FAXC: variants seen among roughly 807,000 people sequenced by gnomAD.
FAXC encodes the protein failed axon connections homolog.
Under a neutral mutation model 41.9 loss-of-function variants are expected in FAXC, and 10 were observed. The observed-to-expected ratio is 0.24, with a 90% CI of 0.15 to 0.41. The LOEUF (loss-of-function observed/expected upper bound fraction) is 0.41, where lower values mean the gene tolerates loss of function less well. Ranked by LOEUF, FAXC falls within the 10% of genes least tolerant of loss-of-function variation. FAXC has a pLI of 1.00. For synonymous variants in FAXC, 183 were observed against 183.8 expected (o/e 1.00, Z 0.03); for missense variants, 399 against 510.9 (o/e 0.78, Z 2.11).
At chr6:99,288,859 T>TACACAC (rs55895848) in intron 5 of FAXC, among the ~76,000 whole-genome samples, 24,121 of 145,736 alleles carry the variant, frequency 0.17, 2,218 homozygotes, top group East Asian at 0.43. Flanking sequence ...CACACACACA[T>TACACAC]ACACACACAC....
rs911733292 is a variant in FAXC, at chr6:99,273,078, A to G, written c.*8086T>C. ...TTTAAATATGGCTTTATAAACTACT[A>G]ATAACTCTGCTAAAGTAACTCATAG... On this transcript the variant is annotated 3_prime_UTR_variant, in exon 6 of 6. Transcript: ENST00000389677. 14 of 152,220 alleles carry G rather than the reference A, an allele frequency of 9.2e-5. No homozygotes were observed. Among genetic ancestry groups the G allele is most frequent in the African/African-American group, 2.9e-4 (12 of 41,462 alleles). 9.4% of individuals were successfully genotyped at this position (152,220 alleles called of 1,614,324 possible).
rs1479107715 is a variant in FAXC, at chr6:99,273,473, C to T, written c.*7691G>A. Reference sequence around the variant, plus strand: ...CTGGGTATCACCTCACCCCTACTTTCTTTTCTTGTTTTGCTTACCTCAGTG... The same window carrying T: ...CTGGGTATCACCTCACCCCTACTTTTTTTTCTTGTTTTGCTTACCTCAGTG... On this transcript the variant is annotated 3_prime_UTR_variant, in exon 6 of 6. Coordinates refer to ENST00000389677, the MANE Select transcript of FAXC (RefSeq NM_032511.4). The T allele has an allele frequency of 6.7e-6, 1 of 150,288 alleles. No individual in the cohort carries two copies. The highest frequency in any genetic ancestry group is 6.7e-5 in the Admixed American group (1 of 14,914). The allele number at this position is 150,288 out of a possible 1,614,324, so 9.3% of individuals were successfully genotyped here.
At chr6:99,318,642 T>G (rs996530373) in intron 4 of FAXC, among the ~76,000 whole-genome samples, 4 of 152,200 alleles carry the variant, frequency 2.6e-5, no homozygotes, top group African/African-American at 9.6e-5. Flanking sequence ...TGACAGTGAT[T>G]ATGAGAATAA....
chr6:99,342,535 G>C (rs898621401), intron 2 of FAXC, among the ~76,000 whole-genome samples: 1 of 152,204 alleles, frequency 6.6e-6, no homozygotes, highest in Non-Finnish European at 1.5e-5. Context: ...GTAGAGACAG[G>C]GTTTCACCAT....
intron 4 of FAXC, among the ~76,000 whole-genome samples, chr6:99,296,382 AC>A (rs1207856193): frequency 1.8e-4 from 27 of 152,168 alleles, no homozygotes; most frequent in African/African-American, 6.5e-4. Context: ...TGGCAGGTGA[AC>A]CATCCGGTGA....
At chr6:99,333,665 A>G in intron 2 of FAXC, 118 bp from the exon 3 acceptor site, 1 of 872,080 alleles carries the variant, frequency 1.1e-6, no homozygotes, top group South Asian at 1.9e-5. Flanking sequence ...TACTCAAGTG[A>G]ATGAACTCAG....
At chr6:99,303,811 T>A (rs576553922) in intron 4 of FAXC, among the ~76,000 whole-genome samples, 6 of 152,324 alleles carry the variant, frequency 3.9e-5, no homozygotes, top group African/African-American at 1.4e-4. Flanking sequence ...GTGCCATGGT[T>A]GTAAGGCAAG....
chr6:99,314,446 C>G (rs937646814), intron 4 of FAXC, among the ~76,000 whole-genome samples: 2 of 152,100 alleles, frequency 1.3e-5, no homozygotes, highest in African/African-American at 4.8e-5. Flanking sequence ...TGGTAGCACA[C>G]GCCTGTGGTC....
Position 99,349,090 on chromosome 6 carries a change from C to A in FAXC, c.266+17G>T. On this transcript the variant is annotated intron_variant, in intron 1 of 5. Transcript: ENST00000389677. ...CCCCTCTCTGCGCCCCTGTGCGGGG[C>A]CCTCTCTCCGGCTCACCTAATGACC... 6.2e-7 allele frequency: 1 copy of A among 1,611,904 alleles called. No homozygotes were observed.
intron 5 of FAXC, among the ~76,000 whole-genome samples, chr6:99,282,364 C>T (rs545276198): frequency 1.3e-5 from 2 of 152,180 alleles, no homozygotes; most frequent in South Asian, 2.1e-4. Flanking sequence ...ATAAACCTTT[C>T]CCCCCAAAAA....
At chr6:99,316,104 G>A (rs1772338845) in intron 4 of FAXC, among the ~76,000 whole-genome samples, 1 of 152,114 alleles carries the variant, frequency 6.6e-6, no homozygotes, top group Non-Finnish European at 1.5e-5. Flanking sequence ...TGAGCTTTAA[G>A]GGGTCAGTAG....
chr6:99,282,647 C>G lies in FAXC; in HGVS notation c.941-1194G>C, dbSNP rs1005979754. Among the ~76,000 whole-genome samples, 10 of 152,104 alleles carry G rather than the reference C, an allele frequency of 6.6e-5. 1 individual carries two copies. The highest frequency in any genetic ancestry group is 2.4e-4 in the African/African-American group (10 of 41,416). ...TGAAAAAGAAAGAGGGTGAGTTTCTCCCTGTGATCCAGCAGATGGCAACAT... is the reference window on the plus strand; with the variant it reads ...TGAAAAAGAAAGAGGGTGAGTTTCTGCCTGTGATCCAGCAGATGGCAACAT... On this transcript the variant is annotated intron_variant, in intron 5 of 5. Coordinates refer to ENST00000389677, the MANE Select transcript of FAXC (RefSeq NM_032511.4).
At chr6:99,288,750 A>T (rs1771115052) in intron 5 of FAXC, among the ~76,000 whole-genome samples, 1 of 152,130 alleles carries the variant, frequency 6.6e-6, no homozygotes, top group African/African-American at 2.4e-5. Context: ...GAAGTCTGAT[A>T]ATGTATCTGG....
chr6:99,346,380 C>T (rs796832742), intron 1 of FAXC, among the ~76,000 whole-genome samples: 10 of 152,214 alleles, frequency 6.6e-5, no homozygotes, highest in African/African-American at 1.2e-4. Context: ...TCCAACAAAA[C>T]GGATTTCAAA....
intron 4 of FAXC, among the ~76,000 whole-genome samples, chr6:99,293,569 A>T (rs1232449481): frequency 6.6e-6 from 1 of 152,172 alleles, no homozygotes; most frequent in Non-Finnish European, 1.5e-5. Flanking sequence ...TGAGAAGAAT[A>T]ACTGAGGTGA....
intron 2 of FAXC, among the ~76,000 whole-genome samples, chr6:99,336,951 C>A (rs1773239666): frequency 6.6e-6 from 1 of 152,134 alleles, no homozygotes; most frequent in East Asian, 1.9e-4. Context: ...AGTCATCTTC[C>A]ACTGGCTAAA....
intron 4 of FAXC, among the ~76,000 whole-genome samples, chr6:99,316,970 T>G (rs1460953807): frequency 6.6e-6 from 1 of 152,202 alleles, no homozygotes; most frequent in Non-Finnish European, 1.5e-5. Flanking sequence ...AACTCCCTAC[T>G]CTTTATTACA....
chr6:99,349,086 G>C, intron 1 of FAXC, 21 bp downstream of exon 1: 1 of 1,611,250 alleles, frequency 6.2e-7, no homozygotes, highest in Non-Finnish European at 8.5e-7. Context: ...GCCCCTGTGC[G>C]GGGCCCTCTC....
chr6:99,283,610 T>C (rs1404495619), intron 5 of FAXC, among the ~76,000 whole-genome samples: 1 of 152,206 alleles, frequency 6.6e-6, no homozygotes, highest in Non-Finnish European at 1.5e-5. Context: ...TCAACACCAT[T>C]GCTCCTTTTG....
Sources: gnomAD v4.1 joint callset for allele counts (sites outside exome capture counted in the v4.1 genomes callset) on GRCh38, gnomAD v4.1.1 for gene constraint, MANE v1.5 for transcripts, NCBI Gene and HGNC (gene_info 2026-07-23, HGNC 2026-07-21) for gene names.